The following ADAM12 variants were observed in gnomAD, a reference collection of about 807,000 sequenced individuals.
ADAM12 encodes the protein ADAM metallopeptidase domain 12.
A neutral mutation model predicts 106.4 loss-of-function variants in ADAM12; 70 were observed. That is an observed-to-expected ratio of 0.66 (90% CI 0.54 to 0.80). The LOEUF is 0.80. Among genes scored for constraint, ADAM12 ranks in the 30% least tolerant of loss-of-function variants. The pLI is 0.00. For missense variants in ADAM12, 1,010 were observed against 1,171.9 expected, an observed-to-expected ratio of 0.86 and a Z score of 2.02; for synonymous variants, 420 against 433.5, an observed-to-expected ratio of 0.97 and a Z score of 0.39.
At chr10:126,075,449 C>T (rs1955081025) in intron 11 of ADAM12, among the ~76,000 whole-genome samples, 2 of 152,136 alleles carry the variant, frequency 1.3e-5, no homozygotes, top group Admixed American at 1.3e-4. Context: ...ATGAAGAGAA[C>T]AAAAAAATCT....
At chr10:126,311,094 T>TATACACAC (rs760157896) in intron 2 of ADAM12, among the ~76,000 whole-genome samples, 2 of 138,454 alleles carry the variant, frequency 1.4e-5, no homozygotes, top group African/African-American at 5.3e-5. Flanking sequence ...TACACACAAA[T>TATACACAC]ACACACACAC....
chr10:126,286,717 G>A (rs984240045), intron 2 of ADAM12, among the ~76,000 whole-genome samples: 2 of 152,154 alleles, frequency 1.3e-5, no homozygotes, highest in African/African-American at 4.8e-5. Context: ...AGGAATTAAG[G>A]CACGGCAGCA....
At chr10:126,341,325 G>C (rs573574779) in intron 1 of ADAM12, among the ~76,000 whole-genome samples, 1 of 152,244 alleles carries the variant, frequency 6.6e-6, no homozygotes, top group East Asian at 1.9e-4. Context: ...ATATCTTCAT[G>C]TGCAGACAAG....
chr10:126,194,414 T>C (rs1957561311), intron 3 of ADAM12, among the ~76,000 whole-genome samples: 1 of 151,934 alleles, frequency 6.6e-6, no homozygotes, highest in South Asian at 2.1e-4. Context: ...TCACCATTTA[T>C]CGGGAAGCAG....
chr10:126,171,706 C>T (rs1218047818), intron 3 of ADAM12, among the ~76,000 whole-genome samples: 2 of 152,206 alleles, frequency 1.3e-5, no homozygotes, highest in African/African-American at 4.8e-5. Context: ...GATGAACATG[C>T]TTCCAGTATT....
intron 11 of ADAM12, among the ~76,000 whole-genome samples, chr10:126,079,654 T>C (rs1299939979): frequency 2.6e-5 from 4 of 152,224 alleles, no homozygotes; most frequent in African/African-American, 7.2e-5. Flanking sequence ...CAAATGCTGT[T>C]GTACCTATTT....
intron 12 of ADAM12, among the ~76,000 whole-genome samples, chr10:126,069,683 G>A (rs568013627): frequency 4.6e-5 from 7 of 152,346 alleles, no homozygotes; most frequent in South Asian, 2.1e-4. Flanking sequence ...TGCTGGTAGC[G>A]ATGTGGATAC....
intron 1 of ADAM12, among the ~76,000 whole-genome samples, chr10:126,376,861 T>C (rs1856312037): frequency 6.6e-6 from 1 of 152,210 alleles, no homozygotes; most frequent in Admixed American, 6.5e-5. Context: ...CTTTATTGAA[T>C]ACTTAGCATG....
intron 13 of ADAM12, among the ~76,000 whole-genome samples, chr10:126,065,687 C>T (rs894172088): frequency 3.9e-5 from 6 of 152,262 alleles, no homozygotes; most frequent in Admixed American, 1.3e-4. Flanking sequence ...ACTCCTCAAA[C>T]GCAAAGAGAT....
intron 1 of ADAM12, among the ~76,000 whole-genome samples, chr10:126,367,946 C>T (rs1855967965): frequency 6.6e-6 from 1 of 151,670 alleles, no homozygotes. Flanking sequence ...AACCCTGATA[C>T]CAAAACTAGA....
chr10:126,026,503 A>C (rs1451531861), intron 21 of ADAM12, among the ~76,000 whole-genome samples: 2 of 152,230 alleles, frequency 1.3e-5, no homozygotes, highest in Non-Finnish European at 2.9e-5. Flanking sequence ...CACTTACTCT[A>C]AAATTGATCA....
intron 9 of ADAM12, among the ~76,000 whole-genome samples, chr10:126,098,738 T>C (rs563159159): frequency 1.3e-5 from 2 of 152,338 alleles, no homozygotes; most frequent in East Asian, 3.9e-4. Flanking sequence ...AACTAGTTAT[T>C]ACTTTTGTAC....
chr10:126,144,935 C>A (rs775188269), intron 4 of ADAM12, among the ~76,000 whole-genome samples: 1 of 152,168 alleles, frequency 6.6e-6, no homozygotes, highest in African/African-American at 2.4e-5. Flanking sequence ...GGTAGCTGGA[C>A]TCTGGCTTGT....
chr10:126,196,284 G>C (rs1462876168), intron 3 of ADAM12, among the ~76,000 whole-genome samples: 3 of 152,210 alleles, frequency 2.0e-5, no homozygotes, highest in Non-Finnish European at 4.4e-5. Context: ...AGGCAGAAAA[G>C]ATAAAGCGCT....
At chr10:126,211,562 G>A (rs1042815860) in intron 3 of ADAM12, among the ~76,000 whole-genome samples, 3 of 151,978 alleles carry the variant, frequency 2.0e-5, no homozygotes, top group East Asian at 1.9e-4. Flanking sequence ...GGACCCGCTA[G>A]TAGTCATCTC....
intron 17 of ADAM12, among the ~76,000 whole-genome samples, chr10:126,045,153 C>T (rs1674897): frequency 0.29 from 44,596 of 151,990 alleles, 8,569 homozygotes; most frequent in East Asian, 0.57. Flanking sequence ...GGCACACCAT[C>T]CCCACAGCTC....
intron 2 of ADAM12, among the ~76,000 whole-genome samples, chr10:126,295,552 C>CACACACACACAT (rs750839848): frequency 8.1e-4 from 122 of 151,518 alleles, no homozygotes; most frequent in African/African-American, 2.0e-3. Context: ...CACACATACA[C>CACACACACACAT]ACACACACAC....
chr10:126,121,227 T>C (rs1590445201), intron 5 of ADAM12, among the ~76,000 whole-genome samples: 2 of 107,710 alleles, frequency 1.9e-5, no homozygotes, highest in African/African-American at 3.8e-5. Flanking sequence ...TTATATACTA[T>C]AGTATATATA....
chr10:126,094,866 G>A (rs936594619), intron 10 of ADAM12, among the ~76,000 whole-genome samples: 3 of 152,076 alleles, frequency 2.0e-5, no homozygotes, highest in African/African-American at 4.8e-5. Flanking sequence ...TATGGAAGGC[G>A]GCTTCTCCAT....
Sources: allele counts gnomAD v4.1 joint callset (sites outside exome capture counted in the v4.1 genomes callset), GRCh38; gene constraint gnomAD v4.1.1; transcripts MANE v1.5; gene names NCBI Gene and HGNC (gene_info 2026-07-23, HGNC 2026-07-21).